Variants in SRBD1 observed in about 807,000 individuals in gnomAD.
SRBD1 encodes S1 RNA binding domain 1.
In SRBD1, 88 loss-of-function variants were observed where a neutral mutation model predicts 115.3. The observed-to-expected ratio is 0.76, with a 90% CI of 0.64 to 0.91. The LOEUF (loss-of-function observed/expected upper bound fraction) is 0.91, where lower values mean the gene tolerates loss of function less well. SRBD1 is among the 40% of genes least tolerant of loss of function. The probability of loss-of-function intolerance (pLI) is 0.00; values close to 1 mark genes in which losing one functional copy is unlikely to be tolerated. For missense variants in SRBD1, 1,385 were observed against 1,177.4 expected, an observed-to-expected ratio of 1.18 and a Z score of -2.58; for synonymous variants, 509 against 407.7, an observed-to-expected ratio of 1.25 and a Z score of -2.99.
chr2:45,483,491 T>A (rs60934954), intron 15 of SRBD1, among the ~76,000 whole-genome samples: 137 of 152,232 alleles, frequency 9.0e-4, no homozygotes, highest in African/African-American at 3.1e-3. Flanking sequence ...TAATATGTCT[T>A]ATATCCAAAG....
rs761732706 is a variant in SRBD1 at position 45,413,259 on chromosome 2, C to A, written c.2368G>T (p.Val790Phe). The change falls in exon 19 of 21, where the codon GTT becomes TTT. Residue 790 changes from valine (V) to phenylalanine (F), a missense_variant. Coordinates refer to ENST00000263736, the MANE Select transcript of SRBD1 (RefSeq NM_018079.5). ...ACGTCTGCTGAAGATGTCACAGCAA[C>A]TCCTTGAATTTGGCCTGAAGTTTCA... ...QTETSGQIQG[V>F]AVTSSADVEV... 3.7e-6 allele frequency: 6 copies of A among 1,613,770 alleles called. No homozygotes were observed. In the African/African-American group the frequency reaches 8.0e-5, roughly 22 times the overall value.
chr2:45,454,536 C>A (rs928895950), intron 16 of SRBD1, among the ~76,000 whole-genome samples: 2 of 151,794 alleles, frequency 1.3e-5, no homozygotes, highest in Non-Finnish European at 1.5e-5. Context: ...TATAAAACAT[C>A]AATCTAATTG....
chr2:45,582,903 C>T (rs1306074131), intron 5 of SRBD1, among the ~76,000 whole-genome samples: 1 of 152,026 alleles, frequency 6.6e-6, no homozygotes, highest in African/African-American at 2.4e-5. Context: ...TTCCAAATAC[C>T]ATTCCCCACT....
At chr2:45,421,022 C>T (rs936294620) in intron 16 of SRBD1, among the ~76,000 whole-genome samples, 3 of 152,116 alleles carry the variant, frequency 2.0e-5, no homozygotes, top group African/African-American at 4.8e-5. Context: ...AACTCCTTTT[C>T]TGAAAGGTCC....
intron 8 of SRBD1, among the ~76,000 whole-genome samples, chr2:45,573,914 C>T (rs6733783): frequency 0.075 from 11,452 of 152,198 alleles, 751 homozygotes; most frequent in African/African-American, 0.18. Flanking sequence ...TCCTCCTTTC[C>T]TCTCCTCTGC....
chr2:45,595,024 A>G (rs1185551305), intron 4 of SRBD1, among the ~76,000 whole-genome samples: 1 of 152,198 alleles, frequency 6.6e-6, no homozygotes, highest in African/African-American at 2.4e-5. Context: ...CATTAGTCCT[A>G]TCTATAAAAC....
At chr2:45,481,335 T>C (rs1309640739) in intron 15 of SRBD1, among the ~76,000 whole-genome samples, 1 of 152,016 alleles carries the variant, frequency 6.6e-6, no homozygotes, top group African/African-American at 2.4e-5. Flanking sequence ...AATGCAGAGC[T>C]CGAGGTTGAG....
chr2:45,510,211 T>C (rs923990686), intron 14 of SRBD1, among the ~76,000 whole-genome samples: 7 of 152,200 alleles, frequency 4.6e-5, no homozygotes, highest in African/African-American at 1.4e-4. Context: ...AAAATGTAAG[T>C]TTTCTGTTAT....
chr2:45,579,767 T>A (rs1673287632), intron 7 of SRBD1, 108 bp downstream of exon 7: 3 of 1,256,962 alleles, frequency 2.4e-6, no homozygotes, highest in Middle Eastern at 2.2e-4. Context: ...TACGCTGTAA[T>A]ATTCTTTTGT....
At chr2:45,540,175 T>A (rs1671889259) in intron 14 of SRBD1, among the ~76,000 whole-genome samples, 1 of 151,998 alleles carries the variant, frequency 6.6e-6, no homozygotes, top group African/African-American at 2.4e-5. Context: ...ACCCTGTCTC[T>A]ACTAAAAATA....
At chr2:45,439,358 G>GACAT (rs960940184) in intron 16 of SRBD1, among the ~76,000 whole-genome samples, 1 of 127,390 alleles carries the variant, frequency 7.8e-6, no homozygotes, top group African/African-American at 3.8e-5. Flanking sequence ...GGTATTCTAG[G>GACAT]ACATATATAT....
chr2:45,506,331 C>G (rs1254136414), intron 14 of SRBD1, among the ~76,000 whole-genome samples: 3 of 152,164 alleles, frequency 2.0e-5, no homozygotes, highest in African/African-American at 7.2e-5. Flanking sequence ...CACCTCAGTT[C>G]CTCTCTTATG....
intron 14 of SRBD1, among the ~76,000 whole-genome samples, chr2:45,542,236 G>A (rs544681759): frequency 9.8e-5 from 15 of 152,398 alleles, no homozygotes; most frequent in African/African-American, 3.6e-4. Flanking sequence ...AGGCACACCT[G>A]TCCAGGTCGC....
Position 45,433,771 on chromosome 2 carries a change from G to A in SRBD1, c.2050-13877C>T, listed in dbSNP as rs139092015. Among the ~76,000 whole-genome samples the A allele has an allele frequency of 2.0e-5, 3 of 152,338 alleles. No homozygotes were observed. In the East Asian group the frequency reaches 5.8e-4, roughly 29 times the overall value. ...CTATGTGTTCTAGCTCCTGATCACA[G>A]ACAAGTACATAGAACAAATAATATT... On this transcript the variant is annotated intron_variant, in intron 16 of 20. Coordinates refer to ENST00000263736, the MANE Select transcript of SRBD1 (RefSeq NM_018079.5).
At chr2:45,573,109 T>A in intron 9 of SRBD1, 98 bp downstream of exon 9, 2 of 1,279,090 alleles carry the variant, frequency 1.6e-6, no homozygotes, top group Non-Finnish European at 2.1e-6. Context: ...AGAAAACAGT[T>A]GACATAAAAT....
chr2:45,569,706 A>G (rs899408565), intron 9 of SRBD1, among the ~76,000 whole-genome samples: 3 of 152,232 alleles, frequency 2.0e-5, no homozygotes, highest in African/African-American at 4.8e-5. Context: ...TAAAACCAAT[A>G]AAGAAAATAA....
At chr2:45,476,706 G>T (rs538759761) in intron 16 of SRBD1, among the ~76,000 whole-genome samples, 3 of 152,270 alleles carry the variant, frequency 2.0e-5, no homozygotes, top group African/African-American at 2.4e-5. Context: ...AATGTTAAAA[G>T]AAGAGGCTCT....
At chr2:45,476,226 C>T (rs2103817428) in intron 16 of SRBD1, among the ~76,000 whole-genome samples, 2 of 152,184 alleles carry the variant, frequency 1.3e-5, no homozygotes, top group South Asian at 4.1e-4. Context: ...AGGACACTGC[C>T]TCTTTTTCTA....
At chr2:45,508,726 C>A (rs991368949) in intron 14 of SRBD1, among the ~76,000 whole-genome samples, 3 of 152,052 alleles carry the variant, frequency 2.0e-5, no homozygotes, top group Admixed American at 6.6e-5. Context: ...ATTCTTAGAA[C>A]TTTTTTTCTT....
Sources: gnomAD v4.1 joint callset for allele counts (sites outside exome capture counted in the v4.1 genomes callset) on GRCh38, gnomAD v4.1.1 for gene constraint, MANE v1.5 for transcripts, NCBI Gene and HGNC (gene_info 2026-07-23, HGNC 2026-07-21) for gene names.